Variants in CA10 observed in about 807,000 individuals in gnomAD.
CA10 encodes the protein carbonic anhydrase 10 (inactive), also known as carbonic anhydrase-related protein 10.
A neutral mutation model predicts 44.2 loss-of-function variants in CA10; 14 were observed. The ratio of observed to expected loss-of-function variants is 0.32; its 90% CI spans 0.21 to 0.50. The LOEUF (loss-of-function observed/expected upper bound fraction) is 0.50, where lower values mean the gene tolerates loss of function less well. Ranked by LOEUF, CA10 falls within the 20% of genes least tolerant of loss-of-function variation. CA10 has a pLI of 0.99. For synonymous variants in CA10, 159 were observed against 141.6 expected, an observed-to-expected ratio of 1.12 and a Z score of -0.87; for missense variants, 350 against 409.7, an observed-to-expected ratio of 0.85 and a Z score of 1.26.
chr17:51,851,539 T>G (rs1398542937), intron 3 of CA10, among the ~76,000 whole-genome samples: 1 of 152,260 alleles, frequency 6.6e-6, no homozygotes, highest in African/African-American at 2.4e-5. Context: ...AGCAGGTGAA[T>G]GAGAAATATT....
At chr17:51,653,392 T>A (rs770179631) in intron 5 of CA10, among the ~76,000 whole-genome samples, 2 of 151,236 alleles carry the variant, frequency 1.3e-5, no homozygotes, top group Non-Finnish European at 3.0e-5. Context: ...GCCCCCTTTT[T>A]CTTTCTAGGA....
chr17:52,097,135 T>C (rs1487171302), intron 1 of CA10, among the ~76,000 whole-genome samples: 1 of 152,170 alleles, frequency 6.6e-6, no homozygotes, highest in Non-Finnish European at 1.5e-5. Context: ...GAATGGATGC[T>C]GAGAAGCAGG....
chr17:51,754,709 C>T lies in CA10; in HGVS notation c.280-6891G>A, dbSNP rs147018379. ...TTTAAATGTTTATCTCATCCATAGA[C>T]ATTCTCACAGAAATATCCCAATTAA... On this transcript the variant is annotated intron_variant, in intron 3 of 8. Transcript: ENST00000451037. Among the ~76,000 whole-genome samples the T allele has an allele frequency of 4.7e-3, 707 of 151,878 alleles. 10 individuals are homozygous for T. The highest frequency in any genetic ancestry group is 0.016 in the African/African-American group (661 of 41,462).
At chr17:51,828,896 T>G (rs532944612) in intron 3 of CA10, among the ~76,000 whole-genome samples, 6 of 152,366 alleles carry the variant, frequency 3.9e-5, no homozygotes, top group South Asian at 2.1e-4. Flanking sequence ...TATGAAGAGT[T>G]ATGTTAAAAT....
intron 1 of CA10, among the ~76,000 whole-genome samples, chr17:52,133,972 T>A (rs1989296773): frequency 6.6e-6 from 1 of 152,178 alleles, no homozygotes; most frequent in Non-Finnish European, 1.5e-5. Flanking sequence ...TATAAAGGTG[T>A]CTTAGCATAT....
chr17:51,756,599 AGCTGGGACTACAGGC>A (rs2143627441), intron 3 of CA10, among the ~76,000 whole-genome samples: 1 of 151,158 alleles, frequency 6.6e-6, no homozygotes, highest in Non-Finnish European at 1.5e-5. Flanking sequence ...CCTCCGGAGT[AGCTGGGACTACAGGC>A]GCCCGCCACC....
chr17:51,874,596 C>T (rs1228534073), intron 3 of CA10, among the ~76,000 whole-genome samples: 1 of 152,114 alleles, frequency 6.6e-6, no homozygotes, highest in South Asian at 2.1e-4. Flanking sequence ...TCATTATTAA[C>T]GTGGTCTATT....
chr17:51,831,692 A>G lies in CA10; in HGVS notation c.280-83874T>C, dbSNP rs1184656004. ...AAGCAGCAGCAGCAGCAGCAGCAGC[A>G]GCAGCAGCAGCAGCAGCAGCAGCAG... On this transcript the variant is annotated intron_variant, in intron 3 of 8. Coordinates refer to ENST00000451037, the MANE Select transcript of CA10 (RefSeq NM_020178.5). 5.0e-4 allele frequency among the ~76,000 whole-genome samples: 40 copies of G among 79,842 alleles called. 1 individual carries two copies. Among genetic ancestry groups the G allele is most frequent in the Non-Finnish European group, 9.1e-4 (30 of 33,088 alleles). The allele number at this position is 79,842 out of a possible 152,430, so 52.4% of individuals were successfully genotyped here.
chr17:51,868,798 C>G (rs1173715160), intron 3 of CA10, among the ~76,000 whole-genome samples: 1 of 151,976 alleles, frequency 6.6e-6, no homozygotes, highest in Non-Finnish European at 1.5e-5. Context: ...CTCCTCGATT[C>G]TTGCCCAAGA....
chr17:52,008,707 C>A (rs1985685595), intron 2 of CA10, among the ~76,000 whole-genome samples: 1 of 151,726 alleles, frequency 6.6e-6, no homozygotes, highest in African/African-American at 2.4e-5. Context: ...ATCTTAGATA[C>A]ATAAAGTTCT....
intron 4 of CA10, among the ~76,000 whole-genome samples, chr17:51,684,602 T>A (rs1039125845): frequency 6.6e-6 from 1 of 152,112 alleles, no homozygotes; most frequent in Non-Finnish European, 1.5e-5. Context: ...TAAAAGAACA[T>A]GTGGGAATGG....
chr17:52,025,119 C>T (rs913732688), intron 2 of CA10, among the ~76,000 whole-genome samples: 20 of 152,048 alleles, frequency 1.3e-4, no homozygotes, highest in African/African-American at 4.6e-4. Context: ...AATATACATA[C>T]ATACTGTATA....
chr17:52,103,148 A>G (rs754722244), intron 1 of CA10, among the ~76,000 whole-genome samples: 2 of 152,246 alleles, frequency 1.3e-5, no homozygotes, highest in Non-Finnish European at 2.9e-5. Flanking sequence ...GGTTATACCC[A>G]GCACCTGTGT....
At chr17:51,653,403 C>T (rs1248034851) in intron 5 of CA10, among the ~76,000 whole-genome samples, 1 of 150,794 alleles carries the variant, frequency 6.6e-6, no homozygotes, top group Non-Finnish European at 1.5e-5. Context: ...CTTTCTAGGA[C>T]AGAAGCTGCT....
At chr17:51,876,508 C>T (rs1598094871) in intron 3 of CA10, among the ~76,000 whole-genome samples, 1 of 152,042 alleles carries the variant, frequency 6.6e-6, no homozygotes, top group Non-Finnish European at 1.5e-5. Flanking sequence ...TGCAAAATGT[C>T]TCCACCTTGA....
intron 3 of CA10, among the ~76,000 whole-genome samples, chr17:51,860,483 A>G (rs1245881749): frequency 6.6e-6 from 1 of 152,140 alleles, no homozygotes; most frequent in Non-Finnish European, 1.5e-5. Context: ...TGGGCCTGAC[A>G]TTCCATGCTG....
At chr17:51,806,586 G>A (rs1250283022) in intron 3 of CA10, among the ~76,000 whole-genome samples, 5 of 152,186 alleles carry the variant, frequency 3.3e-5, no homozygotes, top group African/African-American at 1.2e-4. Flanking sequence ...TTGGCACTAT[G>A]CCTGGTACAG....
intron 4 of CA10, among the ~76,000 whole-genome samples, chr17:51,716,725 T>C (rs1239030281): frequency 6.6e-6 from 1 of 152,220 alleles, no homozygotes; most frequent in Non-Finnish European, 1.5e-5. Context: ...TGTACCCTAG[T>C]GAATTACAGG....
chr17:51,957,804 C>T (rs544962337), intron 2 of CA10, among the ~76,000 whole-genome samples: 1 of 152,302 alleles, frequency 6.6e-6, no homozygotes, highest in East Asian at 1.9e-4. Flanking sequence ...TGCAGATACT[C>T]CTGCTTTGAA....
Sources: allele counts gnomAD v4.1 joint callset (sites outside exome capture counted in the v4.1 genomes callset), GRCh38; gene constraint gnomAD v4.1.1; transcripts MANE v1.5; gene names NCBI Gene and HGNC (gene_info 2026-07-23, HGNC 2026-07-21).